Variants in AMBRA1 observed in about 807,000 individuals in gnomAD.
AMBRA1 encodes the protein activating molecule in BECN1-regulated autophagy protein 1.
AMBRA1 carries 47 observed loss-of-function variants against 125.4 expected under a neutral mutation model. The ratio of observed to expected loss-of-function variants is 0.37; its 90% CI spans 0.30 to 0.48. The LOEUF (loss-of-function observed/expected upper bound fraction) is 0.48. AMBRA1 is among the 20% of genes least tolerant of loss of function. AMBRA1 has a pLI of 0.99. For synonymous variants in AMBRA1, 626 were observed against 655.5 expected (o/e 0.95, Z 0.69); for missense variants, 1,331 against 1,693.4 (o/e 0.79, Z 3.76).
intron 14 of AMBRA1, chr11:46,428,885 A>C: frequency 6.2e-7 from 1 of 1,611,764 alleles, no homozygotes; most frequent in Non-Finnish European, 8.5e-7. Flanking sequence ...GGCAGGCACA[A>C]TCTCTGGGGG....
chr11:46,476,988 A>T (rs1040368050), intron 11 of AMBRA1, among the ~76,000 whole-genome samples: 1 of 152,048 alleles, frequency 6.6e-6, no homozygotes, highest in African/African-American at 2.4e-5. Flanking sequence ...GCACGCCTGT[A>T]ACCCCCCAGC....
chr11:46,478,386 C>G (rs1451641928), intron 11 of AMBRA1, among the ~76,000 whole-genome samples: 1 of 152,162 alleles, frequency 6.6e-6, no homozygotes, highest in Non-Finnish European at 1.5e-5. Flanking sequence ...GTCAGTCTTA[C>G]TCCTACACAG....
chr11:46,492,407 A>G (rs1273197391), intron 11 of AMBRA1, among the ~76,000 whole-genome samples: 1 of 152,220 alleles, frequency 6.6e-6, no homozygotes, highest in Non-Finnish European at 1.5e-5. Flanking sequence ...CCACTGCCTC[A>G]GTAGATCCCT....
intron 1 of AMBRA1, among the ~76,000 whole-genome samples, chr11:46,575,201 T>A (rs766031735): frequency 1.3e-5 from 2 of 152,140 alleles, no homozygotes; most frequent in Non-Finnish European, 2.9e-5. Context: ...CTCACACCTG[T>A]AATCCCGGCA....
At position 46,488,033 on chromosome 11, in the gene AMBRA1, G is replaced by C. The variant is rs78613375; in HGVS notation, c.2521+5575C>G. Among the ~76,000 whole-genome samples, 468 of 152,228 alleles carry C rather than the reference G, an allele frequency of 3.1e-3. 2 individuals are homozygous for C. Among genetic ancestry groups the C allele is most frequent in the South Asian group, 0.015 (71 of 4,828 alleles). The stretch of plus-strand genomic sequence containing the variant: ...AGCTATATTAATATAAGAAAAAATT[G>C]ACTTTAAGACAAAAAATATTACTAG... On this transcript the variant is annotated intron_variant, in intron 11 of 17. Transcript: ENST00000683756.
intron 17 of AMBRA1, among the ~76,000 whole-genome samples, chr11:46,402,296 G>T (rs1387971428): frequency 6.6e-6 from 1 of 152,200 alleles, no homozygotes; most frequent in Non-Finnish European, 1.5e-5. Flanking sequence ...GCTCCTCACA[G>T]GGGCTCCAGA....
intron 11 of AMBRA1, among the ~76,000 whole-genome samples, chr11:46,459,739 T>TACACACACACAC (rs56374939): frequency 9.1e-6 from 1 of 110,228 alleles, no homozygotes; most frequent in African/African-American, 2.9e-5. Flanking sequence ...AAAATACACA[T>TACACACACACAC]ACACACACAC....
chr11:46,569,540 G>A (rs1465148309), intron 1 of AMBRA1, among the ~76,000 whole-genome samples: 1 of 151,346 alleles, frequency 6.6e-6, no homozygotes, highest in Non-Finnish European at 1.5e-5. Flanking sequence ...CCATGCTAAT[G>A]TAGGATAGCT....
chr11:46,412,622 T>TC (rs1224297865), intron 15 of AMBRA1, among the ~76,000 whole-genome samples: 5 of 152,122 alleles, frequency 3.3e-5, no homozygotes, highest in Non-Finnish European at 7.3e-5. Context: ...TGTTTTTTTT[T>TC]CCCCAAAATG....
intron 1 of AMBRA1, among the ~76,000 whole-genome samples, chr11:46,558,569 A>C (rs2043231254): frequency 6.6e-6 from 1 of 151,076 alleles, no homozygotes; most frequent in African/African-American, 2.4e-5. Flanking sequence ...AAAAAAAAAA[A>C]AAAAACCACT....
intron 7 of AMBRA1, among the ~76,000 whole-genome samples, chr11:46,519,125 G>T (rs1230174608): frequency 1.3e-5 from 2 of 152,198 alleles, no homozygotes; most frequent in Non-Finnish European, 2.9e-5. Context: ...CTGTGCTTAA[G>T]CAATTCTCTT....
chr11:46,559,092 G>A (rs1026002642), intron 1 of AMBRA1, among the ~76,000 whole-genome samples: 2 of 152,106 alleles, frequency 1.3e-5, no homozygotes, highest in Non-Finnish European at 2.9e-5. Context: ...CTGAGGTCAG[G>A]AGTTCGAGAC....
intron 14 of AMBRA1, among the ~76,000 whole-genome samples, chr11:46,422,311 T>C (rs1946883764): frequency 6.6e-6 from 1 of 152,098 alleles, no homozygotes; most frequent in South Asian, 2.1e-4. Flanking sequence ...TGAAGGGAAA[T>C]AGAATCAATA....
At chr11:46,505,252 A>G (rs1284742225) in intron 9 of AMBRA1, among the ~76,000 whole-genome samples, 4 of 152,262 alleles carry the variant, frequency 2.6e-5, no homozygotes, top group Non-Finnish European at 4.4e-5. Flanking sequence ...CAGAAAAATT[A>G]AAATGTGCTG....
At chr11:46,583,249 G>A (rs1307805146) in intron 1 of AMBRA1, among the ~76,000 whole-genome samples, 1 of 151,854 alleles carries the variant, frequency 6.6e-6, no homozygotes, top group East Asian at 1.9e-4. Context: ...AAGCAATGGG[G>A]AAAGGATTCC....
chr11:46,530,553 T>C (rs996309194), intron 7 of AMBRA1: 4 of 152,146 alleles, frequency 2.6e-5, no homozygotes, highest in Non-Finnish European at 4.4e-5. Flanking sequence ...CTCTTAACCA[T>C]CAAAGAATCC....
chr11:46,551,736 A>G (rs115741598), intron 1 of AMBRA1, among the ~76,000 whole-genome samples: 2,474 of 151,918 alleles, frequency 0.016, 68 homozygotes, highest in African/African-American at 0.057. Flanking sequence ...TACTAAAAAG[A>G]CAAAAATTAG....
intron 14 of AMBRA1, among the ~76,000 whole-genome samples, chr11:46,419,759 A>C (rs1251906368): frequency 6.6e-6 from 1 of 152,160 alleles, no homozygotes; most frequent in Non-Finnish European, 1.5e-5. Context: ...AAATGAACTT[A>C]GAGTGGTACA....
At position 46,542,522 on chromosome 11, in the gene AMBRA1, G is replaced by A. The variant is rs1213083670; in HGVS notation, c.1495C>T (p.Leu499Phe). Reference sequence around the variant, plus strand: ...AAGAAGCGTCTCAGGTCACACTGAAGCTCATGGCGAATGCTGCCCGAGTTG... The same window carrying A: ...AAGAAGCGTCTCAGGTCACACTGAAACTCATGGCGAATGCTGCCCGAGTTG... Reference protein sequence around the residue: ...QNNSGSIRHELQCDLRRFFLE... With the variant: ...QNNSGSIRHEFQCDLRRFFLE... The change falls in exon 7 of 18, where the codon CTT becomes TTT. Residue 499 changes from leucine to phenylalanine, a missense_variant. Physicochemically the swap from Leu to Phe is conservative, Grantham distance 22. Around this residue, in one of 4 missense-constraint regions of AMBRA1, gnomAD observed 689 missense variants for 776.5 expected, o/e 0.89. Coordinates refer to ENST00000683756, the MANE Select transcript of AMBRA1 (RefSeq NM_001387011.1). This position sits in a 1 kb window ranked among gnomAD's most constrained non-coding sequence, Gnocchi z 5.9. 10 of 1,613,230 alleles carry A rather than the reference G, an allele frequency of 6.2e-6. No individual in the cohort carries two copies. Among genetic ancestry groups the A allele is most frequent in the Non-Finnish European group, 8.5e-6 (10 of 1,180,058 alleles).
Sources: gnomAD v4.1 joint callset for allele counts (sites outside exome capture counted in the v4.1 genomes callset) on GRCh38, gnomAD v4.1.1 for gene constraint, gnomAD v4.1.1 regional missense constraint, Gnocchi (gnomAD v3.1) non-coding constraint, MANE v1.5 for transcripts, NCBI Gene and HGNC (gene_info 2026-07-23, HGNC 2026-07-21) for gene names.